The following PM20D2 variants were observed in gnomAD, a reference collection of about 807,000 sequenced individuals.
PM20D2 encodes peptidase M20 domain containing 2.
Under a neutral mutation model 42.9 loss-of-function variants are expected in PM20D2, and 33 were observed. That is an observed-to-expected ratio of 0.77 (90% CI 0.58 to 1.03). The LOEUF (loss-of-function observed/expected upper bound fraction) is 1.03. PM20D2 is among the 50% of genes least tolerant of loss of function. PM20D2 has a pLI of 0.00. For missense variants in PM20D2, 548 were observed against 557.0 expected, an observed-to-expected ratio of 0.98 and a Z score of 0.16; for synonymous variants, 250 against 228.2, an observed-to-expected ratio of 1.10 and a Z score of -0.86.
chr6:89,132,504 A>C, the PM20D2 span, among the ~76,000 whole-genome samples: 244 of 151,460 alleles, frequency 1.6e-3, 17 homozygotes, highest in African/African-American at 5.7e-3. Context: ...AATTCTTTTG[A>C]AATTAATTCA....
At chr6:89,143,113 T>TAGCTCATGCTTTGCCATG (rs199840797), upstream of PM20D2, among the ~76,000 whole-genome samples, 2 of 152,214 alleles carry the variant, frequency 1.3e-5, no homozygotes, top group African/African-American at 4.8e-5. Flanking sequence ...TTTTCTCATT[T>TAGCTCATGCTTTGCCATG]AGCTCATGCT....
chr6:89,109,373 AAT>A, the PM20D2 span, among the ~76,000 whole-genome samples: 1 of 152,146 alleles, frequency 6.6e-6, no homozygotes, highest in Non-Finnish European at 1.5e-5. Flanking sequence ...GTAGGTACTC[AAT>A]ATATATTTGC....
the PM20D2 span, among the ~76,000 whole-genome samples, chr6:89,107,919 A>G: frequency 6.6e-6 from 1 of 152,172 alleles, no homozygotes; most frequent in Admixed American, 6.5e-5. Context: ...AGTTATTATA[A>G]GACCTAATAA....
the PM20D2 span, among the ~76,000 whole-genome samples, chr6:89,100,914 G>A: frequency 6.6e-6 from 1 of 152,066 alleles, no homozygotes; most frequent in African/African-American, 2.4e-5. Flanking sequence ...AGACCAGCCT[G>A]ACTAACATGG....
chr6:89,137,446 A>G, the PM20D2 span, among the ~76,000 whole-genome samples: 2 of 152,248 alleles, frequency 1.3e-5, no homozygotes, highest in South Asian at 4.1e-4. Context: ...AGGTATTTGA[A>G]GATCAAATTA....
the PM20D2 span, among the ~76,000 whole-genome samples, chr6:89,128,365 G>A: frequency 6.6e-6 from 1 of 152,132 alleles, no homozygotes; most frequent in Non-Finnish European, 1.5e-5. Context: ...TTAGGGTGGG[G>A]AGAAAACTCC....
At chr6:89,137,506 T>A in the PM20D2 span, among the ~76,000 whole-genome samples, 2 of 152,232 alleles carry the variant, frequency 1.3e-5, no homozygotes, top group Non-Finnish European at 2.9e-5. Flanking sequence ...ACATAGAAGT[T>A]CAGGTTTAAT....
the PM20D2 span, chr6:89,098,631 G>A: frequency 1.9e-6 from 3 of 1,613,706 alleles, no homozygotes; most frequent in Admixed American, 1.7e-5. Flanking sequence ...GACCGAAAAT[G>A]AGAATGCTTT....
In PM20D2 at chr6:89,163,597, A is replaced by T. The variant is rs1771318944; in HGVS notation, c.*1334A>T. ...TGGACTCAAGCAGTCCTCCCACCTC[A>T]GCCTCCTAAAGCACTGGGATTACAG... On this transcript the variant is annotated 3_prime_UTR_variant, in exon 7 of 7. Coordinates refer to ENST00000275072, the MANE Select transcript of PM20D2 (RefSeq NM_001010853.3). The T allele has an allele frequency of 1.3e-5, 2 of 152,222 alleles. No individual in the cohort carries two copies. The highest frequency in any genetic ancestry group is 6.5e-5 in the Admixed American group (1 of 15,270). 9.4% of individuals were successfully genotyped at this position (152,222 alleles called of 1,614,324 possible).
chr6:89,111,119 T>G, the PM20D2 span, among the ~76,000 whole-genome samples: 1 of 151,746 alleles, frequency 6.6e-6, no homozygotes, highest in Non-Finnish European at 1.5e-5. Flanking sequence ...CTTTTTTTTT[T>G]TTTTTTGGAG....
chr6:89,107,389 G>T, the PM20D2 span: 2 of 668,548 alleles, frequency 3.0e-6, no homozygotes, highest in East Asian at 2.8e-5. Flanking sequence ...ATTGTTTTTT[G>T]TAAGAATCAT....
At chr6:89,135,667 T>C in the PM20D2 span, among the ~76,000 whole-genome samples, 1 of 151,338 alleles carries the variant, frequency 6.6e-6, no homozygotes, top group Non-Finnish European at 1.5e-5. Context: ...TTGTACCCTA[T>C]ACGCAGTAAT....
At chr6:89,103,693 C>A in the PM20D2 span, among the ~76,000 whole-genome samples, 1 of 151,886 alleles carries the variant, frequency 6.6e-6, no homozygotes, top group Non-Finnish European at 1.5e-5. Context: ...CTCCTGACCT[C>A]AAGTAATCCA....
At chr6:89,133,348 ATTAT>A in the PM20D2 span, among the ~76,000 whole-genome samples, 13 of 151,298 alleles carry the variant, frequency 8.6e-5, 3 homozygotes, top group East Asian at 5.8e-4. Context: ...AAATCTCATA[ATTAT>A]TTGTTTTCTC....
the PM20D2 span, among the ~76,000 whole-genome samples, chr6:89,130,431 C>G: frequency 6.6e-6 from 1 of 151,990 alleles, no homozygotes; most frequent in East Asian, 1.9e-4. Context: ...AACATACATA[C>G]TGTGAAATAA....
chr6:89,153,361 A>G (rs562699141), intron 3 of PM20D2, among the ~76,000 whole-genome samples, 176 bp downstream of exon 3: 1 of 152,170 alleles, frequency 6.6e-6, no homozygotes, highest in Non-Finnish European at 1.5e-5. Flanking sequence ...ATGTTTGTCT[A>G]TATAGGGTTA....
At chr6:89,118,250 A>G in the PM20D2 span, among the ~76,000 whole-genome samples, 1 of 152,090 alleles carries the variant, frequency 6.6e-6, no homozygotes, top group Non-Finnish European at 1.5e-5. Flanking sequence ...GGCGGAGGCC[A>G]AGAGGGGGCT....
Position 89,164,809 on chromosome 6 carries a change from T to C in PM20D2, c.*2546T>C, listed in dbSNP as rs1226736305. The C allele has an allele frequency of 1.3e-5, 2 of 152,150 alleles. No homozygotes were observed. The highest frequency in any genetic ancestry group is 4.8e-5 in the African/African-American group (2 of 41,370). The allele number at this position is 152,150 out of a possible 1,614,324, so 9.4% of individuals were successfully genotyped here. A position where few individuals can be genotyped will look rare whatever the true frequency, so the allele number is the denominator to read the frequency against. On this transcript the variant is annotated 3_prime_UTR_variant, in exon 7 of 7. Coordinates refer to ENST00000275072, the MANE Select transcript of PM20D2 (RefSeq NM_001010853.3). ...TTTCTTCTCTTTTACATAAATTGTT[T>C]GTGAAAAGTGTGCTCAACTTTTTTA...
the PM20D2 span, among the ~76,000 whole-genome samples, chr6:89,124,515 C>G: frequency 0.81 from 123,544 of 152,078 alleles, 50,797 homozygotes; most frequent in African/African-American, 0.94. Flanking sequence ...AGTTCTCTGG[C>G]GGGGAGTACT....
Sources: gnomAD v4.1 joint callset for allele counts (sites outside exome capture counted in the v4.1 genomes callset) on GRCh38, gnomAD v4.1.1 for gene constraint, MANE v1.5 for transcripts, NCBI Gene and HGNC (gene_info 2026-07-23, HGNC 2026-07-21) for gene names.